The following FGF7 variants were observed in gnomAD, a reference collection of about 807,000 sequenced individuals.
FGF7 encodes the protein FGF-7.
In FGF7, 6 loss-of-function variants were observed where a neutral mutation model predicts 20.5. That is an observed-to-expected ratio of 0.29 (90% CI 0.16 to 0.58). FGF7 has a LOEUF of 0.58. FGF7 is among the 20% of genes least tolerant of loss of function. The pLI, the probability that FGF7 is intolerant of heterozygous loss-of-function variation, is 0.90. For synonymous variants in FGF7, 64 were observed against 74.7 expected (o/e 0.86, Z 0.74); for missense variants, 144 against 228.8 (o/e 0.63, Z 2.39).
In FGF7 at chr15:49,427,597, C is replaced by A. The variant is rs564819199; in HGVS notation, c.286+3014C>A. On this transcript the variant is annotated intron_variant, in intron 2 of 3. Coordinates refer to ENST00000267843, the MANE Select transcript of FGF7 (RefSeq NM_002009.4). The stretch of plus-strand genomic sequence containing the variant: ...GCCAGCTATGCAAAATATAATTATT[C>A]TTCTGGTTACCAAAAGAAAGTCCCC... 9.1e-4 allele frequency among the ~76,000 whole-genome samples: 138 copies of A among 152,002 alleles called. 5 individuals carry two copies. In the South Asian group the frequency reaches 0.027, roughly 30 times the overall value.
intron 2 of FGF7, among the ~76,000 whole-genome samples, chr15:49,439,429 T>TG (rs1004861489): frequency 7.3e-5 from 11 of 151,698 alleles, no homozygotes; most frequent in Non-Finnish European, 1.5e-4. Context: ...TAGTAAAACG[T>TG]GGGGGGAGGG....
At chr15:49,447,148 G>T (rs577003740) in intron 2 of FGF7, among the ~76,000 whole-genome samples, 1 of 151,550 alleles carries the variant, frequency 6.6e-6, no homozygotes, top group African/African-American at 2.4e-5. Flanking sequence ...CTTTCAAAAA[G>T]TATTTCTTGT....
intron 2 of FGF7, among the ~76,000 whole-genome samples, chr15:49,480,631 G>A (rs1242877067): frequency 6.6e-6 from 1 of 151,944 alleles, no homozygotes; most frequent in Non-Finnish European, 1.5e-5. Flanking sequence ...ACAGGCACCC[G>A]CCACCACACC....
chr15:49,437,720 T>C (rs1046981846), intron 2 of FGF7, among the ~76,000 whole-genome samples: 1 of 151,734 alleles, frequency 6.6e-6, no homozygotes, highest in African/African-American at 2.4e-5. Context: ...TTACTGAGCA[T>C]ATATTACGTA....
intron 2 of FGF7, among the ~76,000 whole-genome samples, chr15:49,482,157 T>C (rs1296669371): frequency 1.3e-5 from 2 of 152,128 alleles, no homozygotes; most frequent in Admixed American, 1.3e-4. Context: ...TGTACCTTCA[T>C]GTAGAAAATG....
chr15:49,472,443 T>C (rs772970191), intron 2 of FGF7, among the ~76,000 whole-genome samples: 1 of 152,170 alleles, frequency 6.6e-6, no homozygotes, highest in African/African-American at 2.4e-5. Context: ...GAAGTTGCCA[T>C]AGGACACTTC....
intron 2 of FGF7, among the ~76,000 whole-genome samples, chr15:49,448,347 C>A (rs893084984): frequency 6.6e-6 from 1 of 151,170 alleles, no homozygotes; most frequent in African/African-American, 2.4e-5. Flanking sequence ...TCTCTCCTTT[C>A]TTTCCATTTA....
At chr15:49,469,582 G>A (rs947514874) in intron 2 of FGF7, among the ~76,000 whole-genome samples, 1 of 151,978 alleles carries the variant, frequency 6.6e-6, no homozygotes, top group Non-Finnish European at 1.5e-5. Context: ...ATTATTAGGT[G>A]TTGCTTCAAT....
At chr15:49,464,126 G>C (rs1283962239) in intron 2 of FGF7, among the ~76,000 whole-genome samples, 2 of 152,124 alleles carry the variant, frequency 1.3e-5, no homozygotes, top group Admixed American at 1.3e-4. Context: ...CCTCATGAAG[G>C]ATGGGTTAGG....
Position 49,485,503 on chromosome 15 carries a change from T to C in FGF7, c.*999T>C, listed in dbSNP as rs1337475461. ...AAAAAACCTTAATAAGCTGTATCTG[T>C]TTCATATGCTTTTAATTTTAAAGGA... On this transcript the variant is annotated 3_prime_UTR_variant, in exon 4 of 4. Transcript: ENST00000267843. The C allele has an allele frequency of 6.6e-6, 1 of 152,466 alleles. No individual in the cohort carries two copies. The highest frequency in any genetic ancestry group is 1.5e-5 in the Non-Finnish European group (1 of 67,962). 9.4% of individuals were successfully genotyped at this position (152,466 alleles called of 1,614,324 possible).
chr15:49,439,012 G>A (rs2151826720), intron 2 of FGF7, among the ~76,000 whole-genome samples: 1 of 151,874 alleles, frequency 6.6e-6, no homozygotes, highest in African/African-American at 2.4e-5. Context: ...CAGGAATTTG[G>A]GAGTAGCTTA....
At chr15:49,481,963 G>A (rs962693559) in intron 2 of FGF7, among the ~76,000 whole-genome samples, 15 of 151,980 alleles carry the variant, frequency 9.9e-5, no homozygotes, top group African/African-American at 3.4e-4. Context: ...TATTATCCAG[G>A]TAGCAAAAAT....
intron 2 of FGF7, among the ~76,000 whole-genome samples, chr15:49,474,064 A>G (rs1462311784): frequency 6.6e-6 from 1 of 152,172 alleles, no homozygotes; most frequent in East Asian, 1.9e-4. Flanking sequence ...CGAACTTTTT[A>G]TTATATTCAA....
intron 2 of FGF7, among the ~76,000 whole-genome samples, chr15:49,480,518 G>GTTGCC (rs1175605258): frequency 8.2e-6 from 1 of 122,146 alleles, no homozygotes; most frequent in African/African-American, 3.2e-5. Context: ...GTCTCACTCT[G>GTTGCC]TTGCCTAGGC....
chr15:49,460,206 T>C (rs2053668768), intron 2 of FGF7, among the ~76,000 whole-genome samples: 1 of 152,106 alleles, frequency 6.6e-6, no homozygotes, highest in African/African-American at 2.4e-5. Flanking sequence ...AAGTTACTTC[T>C]GAAGCCTTAA....
rs986211177 is a variant in FGF7 at position 49,487,904 on chromosome 15, T to TC, written c.*3402dup. ...CATGCAGTTTGGTTTACATCCCTAC[T>TC]CCACTGCCATTTACTTGAGCGTGAA... On this transcript the variant is annotated 3_prime_UTR_variant, in exon 4 of 4. Coordinates refer to ENST00000267843, the MANE Select transcript of FGF7 (RefSeq NM_002009.4). The TC allele has an allele frequency of 6.6e-6, 1 of 151,954 alleles. No homozygotes were observed. Among genetic ancestry groups the TC allele is most frequent in the Non-Finnish European group, 1.5e-5 (1 of 67,912 alleles). The allele number at this position is 151,954 out of a possible 1,614,324, so 9.4% of individuals were successfully genotyped here.
At chr15:49,475,869 T>C (rs1377516784) in intron 2 of FGF7, among the ~76,000 whole-genome samples, 1 of 152,120 alleles carries the variant, frequency 6.6e-6, no homozygotes, top group Non-Finnish European at 1.5e-5. Context: ...ATGCCTGTAA[T>C]TGCAGCTACA....
At chr15:49,455,556 G>T (rs10519229) in intron 2 of FGF7, among the ~76,000 whole-genome samples, 2 of 152,070 alleles carry the variant, frequency 1.3e-5, no homozygotes, top group African/African-American at 4.8e-5. Flanking sequence ...CTGAATTTCT[G>T]GGTAGGTCCA....
intron 2 of FGF7, among the ~76,000 whole-genome samples, chr15:49,464,278 C>T (rs2054069575): frequency 6.6e-6 from 1 of 152,092 alleles, no homozygotes; most frequent in Non-Finnish European, 1.5e-5. Context: ...CTGCCCCCAC[C>T]TCTAGTCTAT....
Sources: gnomAD v4.1 joint callset for allele counts (sites outside exome capture counted in the v4.1 genomes callset) on GRCh38, gnomAD v4.1.1 for gene constraint, MANE v1.5 for transcripts, NCBI Gene and HGNC (gene_info 2026-07-23, HGNC 2026-07-21) for gene names.